The following HOMEZ variants were observed in gnomAD, a reference collection of about 807,000 sequenced individuals.
The protein encoded by HOMEZ is homeobox and leucine zipper encoding.
HOMEZ carries 20 observed loss-of-function variants against 50.1 expected under a neutral mutation model. That is an observed-to-expected ratio of 0.40 (90% CI 0.28 to 0.58). The LOEUF (loss-of-function observed/expected upper bound fraction) is 0.58. HOMEZ is among the 20% of genes least tolerant of loss of function. The pLI is 0.46. For synonymous variants in HOMEZ, 239 were observed against 254.7 expected (o/e 0.94, Z 0.59); for missense variants, 579 against 680.5 (o/e 0.85, Z 1.66).
In HOMEZ at chr14:23,286,127, G is replaced by T; in HGVS notation, c.-175C>A. On this transcript the variant is annotated 5_prime_UTR_variant, in exon 1 of 2. Coordinates refer to ENST00000357460, the MANE Select transcript of HOMEZ (RefSeq NM_020834.3). The stretch of plus-strand genomic sequence containing the variant: ...CCTGCTCGAGCAAGTTGGAGGCGGG[G>T]CGGATGGGTGGGGTGGGCGTCCAGA... 1 of 1,227,928 alleles carries T rather than the reference G, an allele frequency of 8.1e-7. No individual in the cohort carries two copies. Among genetic ancestry groups the T allele is most frequent in the Admixed American group, 4.2e-5 (1 of 23,664 alleles). The allele number at this position is 1,227,928 out of a possible 1,614,324, so 76.1% of individuals were successfully genotyped here. A position where few individuals can be genotyped will look rare whatever the true frequency, so the allele number is the denominator to read the frequency against.
rs1183543498 is a variant in HOMEZ at position 23,274,581 on chromosome 14, G to C, written c.*994C>G. ...ACAGAGTGAGGATTTTGGAAAGATAGAAAAAGCTACAAGGCAAAGTGGTCA... is the reference window on the plus strand; with the variant it reads ...ACAGAGTGAGGATTTTGGAAAGATACAAAAAGCTACAAGGCAAAGTGGTCA... On this transcript the variant is annotated 3_prime_UTR_variant, in exon 2 of 2. Coordinates refer to ENST00000357460, the MANE Select transcript of HOMEZ (RefSeq NM_020834.3). 3 of 152,588 alleles carry C rather than the reference G, an allele frequency of 2.0e-5. No individual in the cohort carries two copies. The highest frequency in any genetic ancestry group is 4.8e-5 in the African/African-American group (2 of 41,430). 9.5% of individuals were successfully genotyped at this position (152,588 alleles called of 1,614,324 possible).
intron 1 of HOMEZ, among the ~76,000 whole-genome samples, chr14:23,280,721 TTTTATTTTATTTTATTTTA>T (rs1886506556): frequency 1.5e-5 from 1 of 65,212 alleles, no homozygotes; most frequent in African/African-American, 6.7e-5. Context: ...TTTTATTTTA[TTTTATTTTATTTTATTTTA>T]TTATTTTATT....
rs926729198 is a variant in HOMEZ at position 23,276,102 on chromosome 14, A to G, written c.1126T>C (p.Leu376=). ...EQLAILKSFF[L]QCQWARREDY... The stretch of plus-strand genomic sequence containing the variant: ...TCACGCCGTGCCCACTGGCACTGTA[A>G]AAAAAAGGATTTAAGGATAGCCAGC... The change falls in exon 2 of 2, where the codon TTA becomes CTA. Residue 376 remains leucine (L), a synonymous_variant. Coordinates refer to ENST00000357460, the MANE Select transcript of HOMEZ (RefSeq NM_020834.3). The surrounding 1 kb of genome is among the most constrained non-coding windows in gnomAD (Gnocchi z 4.1). 1.9e-6 allele frequency: 3 copies of G among 1,613,840 alleles called. No individual in the cohort carries two copies. In the African/African-American group the frequency reaches 4.0e-5, roughly 22 times the overall value.
rs1227164616 is a variant in HOMEZ, at chr14:23,274,106, C to G, written c.*1469G>C. On this transcript the variant is annotated 3_prime_UTR_variant, in exon 2 of 2. Coordinates refer to ENST00000357460, the MANE Select transcript of HOMEZ (RefSeq NM_020834.3). ...ATTCTAGCATTTTAGGGCTTCCACT[C>G]TTTTATTTTTAGATGGTTAACTCAT... is the stretch of plus-strand genomic sequence containing the variant. The G allele has an allele frequency of 6.6e-6, 1 of 152,580 alleles. No individual in the cohort carries two copies. Among genetic ancestry groups the G allele is most frequent in the Non-Finnish European group, 1.5e-5 (1 of 68,040 alleles). 9.5% of individuals were successfully genotyped at this position (152,580 alleles called of 1,614,324 possible).
rs951241617 is a variant in HOMEZ at position 23,276,338 on chromosome 14, T to A, written c.890A>T (p.Asn297Ile). Residue 297 changes from asparagine to isoleucine, a missense_variant, in exon 2 of 2, where the codon AAT (asparagine) becomes ATT (isoleucine). Physicochemically the swap from Asn to Ile is moderately radical, Grantham distance 149. Transcript: ENST00000357460. This position sits in a 1 kb window ranked among gnomAD's most constrained non-coding sequence, Gnocchi z 4.1. ...GGGTTTAGAGGCGGCAGTAGCTCCA[T>A]TAGCCAGTACCTGGAAAGAAGAAGA... is the stretch of plus-strand genomic sequence containing the variant. Reference protein sequence around the residue: ...STSSSFQVLANGATAASKPLQ... With the variant: ...STSSSFQVLAIGATAASKPLQ... 1.2e-6 allele frequency: 2 copies of A among 1,613,748 alleles called. No individual in the cohort carries two copies. Among genetic ancestry groups the A allele is most frequent in the African/African-American group, 1.3e-5 (1 of 74,900 alleles).
Position 23,276,970 on chromosome 14 carries a change from G to A in HOMEZ, c.258C>T (p.Ala86=), listed in dbSNP as rs1407285740. ...YFPYPSLADI[A]LLCLRYGLQM... is the part of the protein sequence containing the mutation. Reference sequence around the variant, plus strand: ...GCAACCCATAACGTAGGCAGAGAAGGGCAATGTCTGCTAGGCTGGGATAGG... The same window carrying A: ...GCAACCCATAACGTAGGCAGAGAAGAGCAATGTCTGCTAGGCTGGGATAGG... The change falls in exon 2 of 2, where the codon GCC becomes GCT. Residue 86 remains alanine, a synonymous_variant. Transcript: ENST00000357460. The surrounding 1 kb of genome is among the most constrained non-coding windows in gnomAD (Gnocchi z 4.1). The A allele has an allele frequency of 1.2e-6, 2 of 1,613,912 alleles. No homozygotes were observed. The highest frequency in any genetic ancestry group is 1.7e-6 in the Non-Finnish European group (2 of 1,179,898).
intron 1 of HOMEZ, among the ~76,000 whole-genome samples, chr14:23,283,830 C>T (rs559853026): frequency 1.3e-5 from 2 of 152,108 alleles, no homozygotes; most frequent in South Asian, 2.1e-4. Context: ...GGGGGGCGGA[C>T]GTTGCAGTGA....
chr14:23,276,883 T>C lies in HOMEZ; in HGVS notation c.345A>G (p.Ser115=), dbSNP rs1320683409. The C allele has an allele frequency of 6.2e-7, 1 of 1,613,970 alleles. No homozygotes were observed. The highest frequency in any genetic ancestry group is 2.2e-5 in the East Asian group (1 of 44,898). ...CTCGAGTCTCTTCTATTTCTTCAGA[T>C]GACCAGCTAATACCACAGCGGAGGC... ...AQRLRCGISW[S]SEEIEETRAR... is the part of the protein sequence containing the mutation. The change falls in exon 2 of 2, where the codon TCA becomes TCG. Residue 115 remains serine, a synonymous_variant. Coordinates refer to ENST00000357460, the MANE Select transcript of HOMEZ (RefSeq NM_020834.3). This position sits in a 1 kb window ranked among gnomAD's most constrained non-coding sequence, Gnocchi z 4.1.
intron 1 of HOMEZ, among the ~76,000 whole-genome samples, chr14:23,284,722 T>C (rs1471672084): frequency 3.9e-5 from 6 of 152,156 alleles, no homozygotes; most frequent in Non-Finnish European, 8.8e-5. Flanking sequence ...ATTTTAAAAA[T>C]TGTTGAGTTG....
intron 1 of HOMEZ, chr14:23,285,556 G>A (rs924967311): frequency 4.8e-6 from 1 of 207,350 alleles, no homozygotes; most frequent in Non-Finnish European, 9.6e-6. Context: ...GGGGGGGCCT[G>A]GGAAGGAAAT....
intron 1 of HOMEZ, among the ~76,000 whole-genome samples, chr14:23,280,673 A>C (rs17128397): frequency 0.13 from 17,202 of 137,440 alleles, 3,480 homozygotes; most frequent in African/African-American, 0.39. Flanking sequence ...TAGGGGAATC[A>C]CATCTGTTAT....
At chr14:23,281,933 G>A (rs927214575) in intron 1 of HOMEZ, among the ~76,000 whole-genome samples, 7 of 151,944 alleles carry the variant, frequency 4.6e-5, no homozygotes, top group African/African-American at 1.7e-4. Context: ...GGTGGAGGTT[G>A]CAGTGAGTCG....
chr14:23,275,401 TG>T lies in HOMEZ; in HGVS notation c.*173del. 1 of 732,894 alleles carries T rather than the reference TG, an allele frequency of 1.4e-6. No homozygotes were observed. Among genetic ancestry groups the T allele is most frequent in the Non-Finnish European group, 2.2e-6 (1 of 458,514 alleles). 45.4% of individuals were successfully genotyped at this position (732,894 alleles called of 1,614,324 possible). On this transcript the variant is annotated 3_prime_UTR_variant, in exon 2 of 2. Transcript: ENST00000357460. Reference sequence around the variant, plus strand: ...AATCCCAGCCTTACTTAGTGCCCTATGGTCATTCTCCCTGGTCCACCCTCAC... The same window carrying T: ...AATCCCAGCCTTACTTAGTGCCCTATGTCATTCTCCCTGGTCCACCCTCAC...
Position 23,286,065 on chromosome 14 carries a change from C to A in HOMEZ, c.-113G>T, listed in dbSNP as rs1594967848. The A allele has an allele frequency of 1.6e-6, 2 of 1,230,940 alleles. No individual in the cohort carries two copies. The highest frequency in any genetic ancestry group is 1.6e-5 in the African/African-American group (1 of 64,376). The allele number at this position is 1,230,940 out of a possible 1,614,324, so 76.3% of individuals were successfully genotyped here. On this transcript the variant is annotated 5_prime_UTR_variant, in exon 1 of 2. Transcript: ENST00000357460. ...GCGATGGCCGAAACCGGGACTGCCCCCCCCACCGTCCCCGGGAGCGCGCCG... is the reference window on the plus strand; with the variant it reads ...GCGATGGCCGAAACCGGGACTGCCCACCCCACCGTCCCCGGGAGCGCGCCG...
intron 1 of HOMEZ, chr14:23,285,662 G>A (rs1886643142): frequency 2.6e-6 from 1 of 390,206 alleles, no homozygotes; most frequent in Non-Finnish European, 4.5e-6. Context: ...AGCCCCATGA[G>A]GCAGGCGAAT....
In HOMEZ at chr14:23,273,797, A is replaced by G. The variant is rs558375117; in HGVS notation, c.*1778T>C. Reference sequence around the variant, plus strand: ...GGCCTGTCCTGTAGCAAATGGAGTTACCTCCAAGACTGTTGTATCTCTGTT... The same window carrying G: ...GGCCTGTCCTGTAGCAAATGGAGTTGCCTCCAAGACTGTTGTATCTCTGTT... On this transcript the variant is annotated 3_prime_UTR_variant, in exon 2 of 2. Coordinates refer to ENST00000357460, the MANE Select transcript of HOMEZ (RefSeq NM_020834.3). The G allele has an allele frequency of 9.3e-4, 141 of 152,374 alleles. 1 individual carries two copies. Among genetic ancestry groups the G allele is most frequent in the African/African-American group, 3.1e-3 (129 of 41,582 alleles). 9.4% of individuals were successfully genotyped at this position (152,374 alleles called of 1,614,324 possible). A position where few individuals can be genotyped will look rare whatever the true frequency, so the allele number is the denominator to read the frequency against.
Position 23,276,972 on chromosome 14 carries a change from C to T in HOMEZ, c.256G>A (p.Ala86Thr). The T allele has an allele frequency of 1.9e-6, 3 of 1,614,028 alleles. No homozygotes were observed. Among genetic ancestry groups the T allele is most frequent in the Non-Finnish European group, 2.5e-6 (3 of 1,179,890 alleles). ...YFPYPSLADI[A>T]LLCLRYGLQM... Reference sequence around the variant, plus strand: ...AACCCATAACGTAGGCAGAGAAGGGCAATGTCTGCTAGGCTGGGATAGGGA... The same window carrying T: ...AACCCATAACGTAGGCAGAGAAGGGTAATGTCTGCTAGGCTGGGATAGGGA... Residue 86 changes from alanine to threonine, a missense_variant, in exon 2 of 2, where the codon GCC (alanine) becomes ACC (threonine). Coordinates refer to ENST00000357460, the MANE Select transcript of HOMEZ (RefSeq NM_020834.3). This position sits in a 1 kb window ranked among gnomAD's most constrained non-coding sequence, Gnocchi z 4.1.
chr14:23,279,897 C>T (rs1239886190), intron 1 of HOMEZ, among the ~76,000 whole-genome samples: 2 of 152,210 alleles, frequency 1.3e-5, no homozygotes, highest in East Asian at 1.9e-4. Context: ...ACCCTCCTGC[C>T]TCAACCTCCT....
intron 1 of HOMEZ, among the ~76,000 whole-genome samples, chr14:23,277,743 C>CAAA (rs56248624): frequency 1.6e-4 from 21 of 132,426 alleles, no homozygotes; most frequent in African/African-American, 5.4e-4. Context: ...GAGACCCTAT[C>CAAA]AAAAAAAAAA....
Sources: gnomAD v4.1 joint callset for allele counts (sites outside exome capture counted in the v4.1 genomes callset) on GRCh38, gnomAD v4.1.1 for gene constraint, Gnocchi (gnomAD v3.1) non-coding constraint, MANE v1.5 for transcripts, NCBI Gene and HGNC (gene_info 2026-07-23, HGNC 2026-07-21) for gene names.